The following SFMBT2 variants were observed in gnomAD, a reference collection of about 807,000 sequenced individuals.
SFMBT2 encodes the protein Scm like with four mbt domains 2.
SFMBT2 carries 38 observed loss-of-function variants against 110.1 expected under a neutral mutation model. The ratio of observed to expected loss-of-function variants is 0.35; its 90% confidence interval spans 0.27 to 0.45. The LOEUF (loss-of-function observed/expected upper bound fraction) is 0.45. SFMBT2 is among the 20% of genes least tolerant of loss of function. The pLI is 1.00. For synonymous variants in SFMBT2, 425 were observed against 425.4 expected, an observed-to-expected ratio of 1.00 and a Z score of 0.01; for missense variants, 1,011 against 1,094.9, an observed-to-expected ratio of 0.92 and a Z score of 1.08.
At chr10:7,384,134 C>T (rs1054759577) in intron 1 of SFMBT2, among the ~76,000 whole-genome samples, 32 of 138,738 alleles carry the variant, frequency 2.3e-4, no homozygotes, top group African/African-American at 8.3e-4. Context: ...TCGCTTGAAC[C>T]CGGGAGGCGG....
At chr10:7,358,594 A>G (rs1844603557) in intron 4 of SFMBT2, among the ~76,000 whole-genome samples, 1 of 152,138 alleles carries the variant, frequency 6.6e-6, no homozygotes, top group African/African-American at 2.4e-5. Flanking sequence ...TGGCCCTAGA[A>G]CATCTGCATG....
chr10:7,173,543 T>A (rs1328048294), intron 17 of SFMBT2, among the ~76,000 whole-genome samples: 1 of 152,248 alleles, frequency 6.6e-6, no homozygotes, highest in Admixed American at 6.5e-5. Context: ...GGGACTCACA[T>A]TGCTTCTGAA....
intron 4 of SFMBT2, among the ~76,000 whole-genome samples, chr10:7,299,687 G>A (rs939001416): frequency 1.3e-5 from 2 of 152,140 alleles, no homozygotes; most frequent in African/African-American, 4.8e-5. Context: ...ATTCCTCAAA[G>A]ATCTAGAACC....
chr10:7,197,249 C>T (rs1247689624), intron 15 of SFMBT2, among the ~76,000 whole-genome samples: 1 of 152,224 alleles, frequency 6.6e-6, no homozygotes, highest in African/African-American at 2.4e-5. Context: ...TCACTCCACA[C>T]ACAATCTTCC....
At chr10:7,321,288 G>A (rs1281477427) in intron 4 of SFMBT2, among the ~76,000 whole-genome samples, 6 of 146,780 alleles carry the variant, frequency 4.1e-5, no homozygotes, top group Non-Finnish European at 7.4e-5. Flanking sequence ...GGCAAGCTCC[G>A]CCTCCCGGGT....
In SFMBT2 at chr10:7,311,172, G is replaced by A. The variant is rs188549793; in HGVS notation, c.437-25218C>T. ...ACTGTTTCATTCTAAATCTTAAGATGTCCCATTATACAATCCATGTAATTG... is the reference window on the plus strand; with the variant it reads ...ACTGTTTCATTCTAAATCTTAAGATATCCCATTATACAATCCATGTAATTG... On this transcript the variant is annotated intron_variant, in intron 4 of 20. Coordinates refer to ENST00000397167, the MANE Select transcript of SFMBT2 (RefSeq NM_001387889.1). Among the ~76,000 whole-genome samples the A allele has an allele frequency of 4.7e-5, 7 of 148,746 alleles. No individual in the cohort carries two copies. In the East Asian group the frequency reaches 1.4e-3, roughly 29 times the overall value.
At chr10:7,207,835 C>T (rs527476673) in intron 11 of SFMBT2, among the ~76,000 whole-genome samples, 65 of 152,334 alleles carry the variant, frequency 4.3e-4, no homozygotes, top group African/African-American at 1.2e-3. Context: ...ATCTCAGGTG[C>T]TCTGAACATG....
chr10:7,391,054 C>T (rs1394610652), intron 1 of SFMBT2, among the ~76,000 whole-genome samples: 2 of 151,382 alleles, frequency 1.3e-5, no homozygotes, highest in Non-Finnish European at 1.5e-5. Context: ...GAGCTGAGAT[C>T]GCACCATTGC....
chr10:7,384,794 A>G lies in SFMBT2; in HGVS notation c.-51-2845T>C, dbSNP rs1410072724. 2.6e-5 allele frequency among the ~76,000 whole-genome samples: 4 copies of G among 152,186 alleles called. No individual in the cohort carries two copies. In the East Asian group the frequency reaches 7.7e-4, roughly 29 times the overall value. ...GACAGAGCTGCATTCTTCTAAGAGC[A>G]ATCCTTCCAGATTCCTGTGATGACA... On this transcript the variant is annotated intron_variant, in intron 1 of 20. Coordinates refer to ENST00000397167, the MANE Select transcript of SFMBT2 (RefSeq NM_001387889.1).
chr10:7,206,070 C>A (rs2131613149), intron 11 of SFMBT2, 142 bp from the exon 12 acceptor site: 1 of 1,390,748 alleles, frequency 7.2e-7, no homozygotes, highest in Non-Finnish European at 9.3e-7. Context: ...ACAAAATAGC[C>A]ATATGGAAGA....
At position 7,393,495 on chromosome 10, in the gene SFMBT2, G is replaced by C. The variant is rs1588507349; in HGVS notation, c.-51-11546C>G. Among the ~76,000 whole-genome samples the C allele has an allele frequency of 2.0e-5, 3 of 151,864 alleles. No homozygotes were observed. In the East Asian group the frequency reaches 5.8e-4, roughly 29 times the overall value. ...AAGGTAGGTTTGCAAAGGGACAGCA[G>C]TGATTTTTTGCAGTCTCTAATGACT... is the stretch of plus-strand genomic sequence containing the variant. On this transcript the variant is annotated intron_variant, in intron 1 of 20. Coordinates refer to ENST00000397167, the MANE Select transcript of SFMBT2 (RefSeq NM_001387889.1).
chr10:7,385,440 G>C (rs138800444), intron 1 of SFMBT2, among the ~76,000 whole-genome samples: 1 of 152,192 alleles, frequency 6.6e-6, no homozygotes, highest in Non-Finnish European at 1.5e-5. Context: ...GGGGAGAAGG[G>C]TGTGCAACTG....
At chr10:7,343,559 G>A (rs890902675) in intron 4 of SFMBT2, among the ~76,000 whole-genome samples, 1 of 151,976 alleles carries the variant, frequency 6.6e-6, no homozygotes, top group Non-Finnish European at 1.5e-5. Context: ...CTGTTATTTT[G>A]TGAATTTCTT....
intron 7 of SFMBT2, among the ~76,000 whole-genome samples, chr10:7,275,263 G>A (rs114790306): frequency 0.012 from 1,800 of 152,286 alleles, 45 homozygotes; most frequent in African/African-American, 0.04. Flanking sequence ...TATAGGGTAC[G>A]TCAAAATAAA....
chr10:7,319,041 C>A lies in SFMBT2; in HGVS notation c.437-33087G>T, dbSNP rs570454608. ...ACTGGAGCAGGGCCACACGAGGGAT[C>A]GCAGAAGACAAAGTCAGAGACACGG... On this transcript the variant is annotated intron_variant, in intron 4 of 20. Coordinates refer to ENST00000397167, the MANE Select transcript of SFMBT2 (RefSeq NM_001387889.1). Among the ~76,000 whole-genome samples, 9 of 152,246 alleles carry A rather than the reference C, an allele frequency of 5.9e-5. No homozygotes were observed. In the South Asian group the frequency reaches 1.9e-3, roughly 32 times the overall value.
At chr10:7,348,990 T>C (rs1159815504) in intron 4 of SFMBT2, among the ~76,000 whole-genome samples, 1 of 151,892 alleles carries the variant, frequency 6.6e-6, no homozygotes, top group African/African-American at 2.4e-5. Flanking sequence ...ATGGAGAGAG[T>C]CCTGGTCACA....
At chr10:7,210,671 G>A (rs929049847) in intron 11 of SFMBT2, among the ~76,000 whole-genome samples, 7 of 152,350 alleles carry the variant, frequency 4.6e-5, no homozygotes, top group South Asian at 2.1e-4. Flanking sequence ...ATGCAAAGCC[G>A]GTGTGAGTGC....
At chr10:7,281,563 C>T (rs747292229) in intron 6 of SFMBT2, among the ~76,000 whole-genome samples, 1 of 152,268 alleles carries the variant, frequency 6.6e-6, no homozygotes, top group South Asian at 2.1e-4. Flanking sequence ...CACAAGTCAC[C>T]GTGGGACTTG....
chr10:7,222,349 C>T (rs1388519489), intron 10 of SFMBT2, among the ~76,000 whole-genome samples: 1 of 152,194 alleles, frequency 6.6e-6, no homozygotes, highest in Admixed American at 6.5e-5. Context: ...TATTAATCTG[C>T]TCAGGCTGCT....
Sources: allele counts gnomAD v4.1 joint callset (sites outside exome capture counted in the v4.1 genomes callset), GRCh38; gene constraint gnomAD v4.1.1; transcripts MANE v1.5; gene names NCBI Gene and HGNC (gene_info 2026-07-23, HGNC 2026-07-21).